EIF2S1: variants seen among roughly 807,000 people sequenced by gnomAD.
EIF2S1 encodes eukaryotic translation initiation factor 2 subunit 1.
EIF2S1 carries 5 observed loss-of-function variants against 33.5 expected under a neutral mutation model. The observed-to-expected ratio is 0.15, with a 90% CI of 0.08 to 0.31. The LOEUF is 0.31. Ranked by LOEUF, EIF2S1 falls within the 10% of genes least tolerant of loss-of-function variation. The probability of loss-of-function intolerance (pLI) is 1.00; values close to 1 mark genes in which losing one functional copy is unlikely to be tolerated. For missense variants in EIF2S1, 191 were observed against 384.6 expected, an observed-to-expected ratio of 0.50 and a Z score of 4.21; for synonymous variants, 99 against 127.5, an observed-to-expected ratio of 0.78 and a Z score of 1.51.
At chr14:67,377,452 C>G (rs975885553) in intron 4 of EIF2S1, among the ~76,000 whole-genome samples, 1 of 152,180 alleles carries the variant, frequency 6.6e-6, no homozygotes, top group Non-Finnish European at 1.5e-5. Flanking sequence ...TGCTCCCTGC[C>G]TCTTGGCTGG....
At chr14:67,381,220 C>G (rs189204211) in intron 5 of EIF2S1, among the ~76,000 whole-genome samples, 1 of 152,252 alleles carries the variant, frequency 6.6e-6, no homozygotes, top group Admixed American at 6.5e-5. Flanking sequence ...AAACCCGTCC[C>G]CTCCTGATGA....
intron 3 of EIF2S1, among the ~76,000 whole-genome samples, chr14:67,375,529 C>CAA (rs34486911): frequency 0.024 from 3,151 of 131,270 alleles, 40 homozygotes; most frequent in Non-Finnish European, 0.034. Context: ...GATAAAATAT[C>CAA]AAAAAAAAAA....
intron 2 of EIF2S1, among the ~76,000 whole-genome samples, chr14:67,366,445 T>C (rs1203249438): frequency 6.6e-6 from 1 of 152,208 alleles, no homozygotes; most frequent in East Asian, 1.9e-4. Flanking sequence ...AGAAAAAATA[T>C]GGAATGGCAT....
intron 2 of EIF2S1, among the ~76,000 whole-genome samples, chr14:67,369,791 T>G (rs913553850): frequency 1.3e-5 from 2 of 152,194 alleles, no homozygotes; most frequent in Non-Finnish European, 2.9e-5. Flanking sequence ...AAAACAGTTA[T>G]CTAGGCTTTT....
chr14:67,368,511 A>C (rs1418233012), intron 2 of EIF2S1, among the ~76,000 whole-genome samples: 3 of 152,156 alleles, frequency 2.0e-5, no homozygotes. Flanking sequence ...ATATATAGTT[A>C]ATACAGTTGG....
chr14:67,369,426 A>G lies in EIF2S1; in HGVS notation c.241+4418A>G, dbSNP rs141034720. ...TCTATAATCATAGTTGGAAGTTTGA[A>G]CAAGCTCTGAACAATTGGAGAAACA... On this transcript the variant is annotated intron_variant, in intron 2 of 7. Transcript: ENST00000256383. Among the ~76,000 whole-genome samples the G allele has an allele frequency of 3.9e-4, 59 of 152,362 alleles. No homozygotes were observed. The East Asian group carries it at 0.011, about 28-fold the overall frequency.
chr14:67,382,823 T>A (rs2085895112), intron 7 of EIF2S1: 1 of 538,284 alleles, frequency 1.9e-6, no homozygotes. Flanking sequence ...TGTCTAAAAT[T>A]TGATCTCAGA....
chr14:67,385,226 A>G lies in EIF2S1; in HGVS notation c.*1786A>G, dbSNP rs3248. Reference sequence around the variant, plus strand: ...AAAAGACAGCAGGGACAAGATACATATGAGGACAAGGTATACACCCAGTTC... The same window carrying G: ...AAAAGACAGCAGGGACAAGATACATGTGAGGACAAGGTATACACCCAGTTC... On this transcript the variant is annotated 3_prime_UTR_variant, in exon 8 of 8. Coordinates refer to ENST00000256383, the MANE Select transcript of EIF2S1 (RefSeq NM_004094.5). 20 of 152,216 alleles carry G rather than the reference A, an allele frequency of 1.3e-4. 1 individual carries two copies. The highest frequency in any genetic ancestry group is 2.1e-4 in the South Asian group (1 of 4,832). The allele number at this position is 152,216 out of a possible 1,614,324, so 9.4% of individuals were successfully genotyped here.
At position 67,382,605 on chromosome 14, in the gene EIF2S1, T is replaced by C. The variant is rs763435739; in HGVS notation, c.822+15T>C. The stretch of plus-strand genomic sequence containing the variant: ...TTCAAATGGAGGTGAGATCAATAGA[T>C]TCATTTTTAATAATGACTCAGGAGG... On this transcript the variant is annotated intron_variant, in intron 7 of 7. Transcript: ENST00000256383. 1 of 1,613,688 alleles carries C rather than the reference T, an allele frequency of 6.2e-7. No individual in the cohort carries two copies. The highest frequency in any genetic ancestry group is 8.5e-7 in the Non-Finnish European group (1 of 1,179,706).
intron 1 of EIF2S1, 78 bp downstream of exon 1, chr14:67,360,534 A>G (rs1244211727): frequency 1.1e-5 from 3 of 261,782 alleles, no homozygotes; most frequent in Non-Finnish European, 2.1e-5. Flanking sequence ...GAGAGCGGGT[A>G]GGCCCCGGGC....
chr14:67,368,760 T>G (rs1358092856), intron 2 of EIF2S1, among the ~76,000 whole-genome samples: 3 of 152,162 alleles, frequency 2.0e-5, no homozygotes, highest in South Asian at 4.1e-4. Context: ...CAGTGGTCTG[T>G]GCTTGTAGTC....
chr14:67,380,319 T>A (rs932622754), intron 4 of EIF2S1, among the ~76,000 whole-genome samples: 3 of 151,872 alleles, frequency 2.0e-5, no homozygotes, highest in Non-Finnish European at 4.4e-5. Flanking sequence ...TTAAAAGTTT[T>A]TCCATGTTTT....
rs1337191753 is a variant in EIF2S1, at chr14:67,385,906, A to G, written c.*2466A>G. On this transcript the variant is annotated 3_prime_UTR_variant, in exon 8 of 8. Coordinates refer to ENST00000256383, the MANE Select transcript of EIF2S1 (RefSeq NM_004094.5). ...GAAGAACAGTTATTACTCAGCTGCC[A>G]TACTTCAGCCATTCTACTTTTACAC... 3 of 152,332 alleles carry G rather than the reference A, an allele frequency of 2.0e-5. 1 individual carries two copies. Among genetic ancestry groups the G allele is most frequent in the South Asian group, 4.1e-4 (2 of 4,830 alleles). 9.4% of individuals were successfully genotyped at this position (152,332 alleles called of 1,614,324 possible).
chr14:67,365,658 A>C (rs1294570505), intron 2 of EIF2S1, among the ~76,000 whole-genome samples: 1 of 152,208 alleles, frequency 6.6e-6, no homozygotes, highest in African/African-American at 2.4e-5. Context: ...ATGGTGTACA[A>C]TACCATTACG....
Position 67,383,306 on chromosome 14 carries a change from C to T in EIF2S1, c.823-9C>T. The T allele has an allele frequency of 1.9e-6, 3 of 1,612,452 alleles. No individual in the cohort carries two copies. Among genetic ancestry groups the T allele is most frequent in the Non-Finnish European group, 2.5e-6 (3 of 1,178,810 alleles). ...ACTTCAGTTTGAAATTATACCTCTG[C>T]TTCCACAGCCCAAAGTGGTCACAGA... On this transcript the variant is annotated splice_polypyrimidine_tract_variant and intron_variant, in intron 7 of 7. Coordinates refer to ENST00000256383, the MANE Select transcript of EIF2S1 (RefSeq NM_004094.5).
At chr14:67,376,296 C>A (rs1211187951) in intron 3 of EIF2S1, 143 bp from the exon 4 acceptor site, 2 of 775,200 alleles carry the variant, frequency 2.6e-6, no homozygotes, top group East Asian at 2.8e-5. Flanking sequence ...CTTTTTATAC[C>A]CACTTAAAGT....
intron 2 of EIF2S1, among the ~76,000 whole-genome samples, chr14:67,374,088 C>T (rs1378617204): frequency 6.6e-6 from 1 of 152,134 alleles, no homozygotes; most frequent in African/African-American, 2.4e-5. Flanking sequence ...TTCAGAATCT[C>T]TCATCTTGTA....
chr14:67,363,768 G>A (rs2085757077), intron 1 of EIF2S1, among the ~76,000 whole-genome samples: 1 of 152,148 alleles, frequency 6.6e-6, no homozygotes, highest in Non-Finnish European at 1.5e-5. Flanking sequence ...ATAGGCAGGT[G>A]CCAATTAATA....
chr14:67,380,692 T>G lies in EIF2S1; in HGVS notation c.507T>G (p.Asn169Lys), dbSNP rs759079806. Residue 169 changes from asparagine to lysine, a missense_variant, in exon 5 of 8, where the codon AAT becomes AAG. By Grantham distance (94) the Asn-to-Lys change is moderately conservative. Transcript: ENST00000256383. ...CTATTTTGGATAGTTTAGATTTGAA[T>G]GAAGATGAACGGGAAGTACTCATTA... is the stretch of plus-strand genomic sequence containing the variant. Reference protein sequence around the residue: ...DPSILDSLDLNEDEREVLINN... With the variant: ...DPSILDSLDLKEDEREVLINN... 6.3e-7 allele frequency: 1 copy of G among 1,582,838 alleles called. No homozygotes were observed. Among genetic ancestry groups the G allele is most frequent in the Admixed American group, 1.9e-5 (1 of 53,752 alleles).
Sources: gnomAD v4.1 joint callset for allele counts (sites outside exome capture counted in the v4.1 genomes callset) on GRCh38, gnomAD v4.1.1 for gene constraint, MANE v1.5 for transcripts, NCBI Gene and HGNC (gene_info 2026-07-23, HGNC 2026-07-21) for gene names.